Variants in RAB12 observed in about 807,000 individuals in gnomAD.
RAB12 encodes RAB12, member RAS oncogene family.
In RAB12, 11 loss-of-function variants were observed where a neutral mutation model predicts 28.4. That is an observed-to-expected ratio of 0.39 (90% CI 0.24 to 0.64). The LOEUF is 0.64. Among genes scored for constraint, RAB12 ranks in the 30% least tolerant of loss-of-function variants. RAB12 has a pLI of 0.50. For missense variants in RAB12, 276 were observed against 351.1 expected (o/e 0.79, Z 1.71); for synonymous variants, 138 against 145.3 (o/e 0.95, Z 0.36).
At chr18:8,630,179 G>A (rs1215611515) in intron 2 of RAB12, among the ~76,000 whole-genome samples, 1 of 152,234 alleles carries the variant, frequency 6.6e-6, no homozygotes, top group Admixed American at 6.5e-5. Flanking sequence ...TGTGCCCAAA[G>A]TGGTCAAGAG....
chr18:8,612,745 A>G (rs1271362930), intron 1 of RAB12, among the ~76,000 whole-genome samples: 1 of 152,198 alleles, frequency 6.6e-6, no homozygotes, highest in Non-Finnish European at 1.5e-5. Flanking sequence ...ATCATGGCTC[A>G]CTGCAGCCTC....
chr18:8,635,852 C>G, intron 4 of RAB12: 2 of 472,304 alleles, frequency 4.2e-6, no homozygotes, highest in Non-Finnish European at 3.7e-6. Context: ...TATTATCTAA[C>G]CTGACATTTT....
At chr18:8,624,589 C>T (rs2096011667) in intron 1 of RAB12, among the ~76,000 whole-genome samples, 1 of 152,132 alleles carries the variant, frequency 6.6e-6, no homozygotes, top group Non-Finnish European at 1.5e-5. Flanking sequence ...GAGAAAACAT[C>T]CTTTTAAAGC....
intron 1 of RAB12, among the ~76,000 whole-genome samples, chr18:8,612,609 G>A (rs115626884): frequency 1.6e-3 from 243 of 152,360 alleles, no homozygotes; most frequent in African/African-American, 5.6e-3. Flanking sequence ...GGTCACTAGA[G>A]TGGTAGTATT....
At chr18:8,616,969 G>C (rs1400754522) in intron 1 of RAB12, among the ~76,000 whole-genome samples, 1 of 152,090 alleles carries the variant, frequency 6.6e-6, no homozygotes, top group Non-Finnish European at 1.5e-5. Context: ...GGCCACCACT[G>C]TCTTCCCAAG....
rs534567887 is a variant in RAB12, at chr18:8,637,961, G to A, written c.910-188G>A. On this transcript the variant is annotated intron_variant, in intron 5 of 5. Transcript: ENST00000649141. Reference sequence around the variant, plus strand: ...AGGAGGAGGAGGAGGGATTGGTCTTGCTGTCTCTTCCGGGTGGCAGAGGCG... The same window carrying A: ...AGGAGGAGGAGGAGGGATTGGTCTTACTGTCTCTTCCGGGTGGCAGAGGCG... Among the ~76,000 whole-genome samples, 15 of 152,250 alleles carry A rather than the reference G, an allele frequency of 9.9e-5. No individual in the cohort carries two copies. The South Asian group carries it at 3.1e-3, about 32-fold the overall frequency.
intron 2 of RAB12, among the ~76,000 whole-genome samples, chr18:8,630,059 T>G (rs918010947): frequency 6.6e-6 from 1 of 152,236 alleles, no homozygotes; most frequent in African/African-American, 2.4e-5. Flanking sequence ...TATCATAATA[T>G]AAGATATAAA....
rs2096020783 is a variant in RAB12 at position 8,639,144 on chromosome 18, GTTCTTTTTTTT to G, written c.*885_*895del. On this transcript the variant is annotated 3_prime_UTR_variant, in exon 6 of 6. Coordinates refer to ENST00000649141, the MANE Select transcript of RAB12 (RefSeq NM_001025300.3). ...CTTATTCTGATTAAGCCTAGACTGT[GTTCTTTTTTTT>G]TTTTTTTTTTTTTTTTTTTTTTTTT... is the stretch of plus-strand genomic sequence containing the variant. 6.0e-5 allele frequency: 1 copy of G among 16,560 alleles called. No homozygotes were observed. 1.0% of individuals were successfully genotyped at this position (16,560 alleles called of 1,614,324 possible). A position where few individuals can be genotyped will look rare whatever the true frequency, so the allele number is the denominator to read the frequency against.
intron 5 of RAB12, among the ~76,000 whole-genome samples, chr18:8,636,638 T>A (rs2096019111): frequency 6.6e-6 from 1 of 152,162 alleles, no homozygotes; most frequent in East Asian, 1.9e-4. Flanking sequence ...TATGCTGTGT[T>A]TATTTGACAT....
intron 2 of RAB12, among the ~76,000 whole-genome samples, chr18:8,629,312 C>T (rs1320193576): frequency 2.0e-5 from 3 of 152,192 alleles, no homozygotes; most frequent in Non-Finnish European, 4.4e-5. Flanking sequence ...AACTCTGTTC[C>T]TTCTCAGCCA....
chr18:8,626,492 G>A (rs750224207), intron 2 of RAB12, among the ~76,000 whole-genome samples: 11 of 152,174 alleles, frequency 7.2e-5, no homozygotes, highest in Non-Finnish European at 7.3e-5. Context: ...CATCTTTGGC[G>A]GCAGTATTCT....
intron 2 of RAB12, among the ~76,000 whole-genome samples, chr18:8,632,302 A>G (rs1218591373): frequency 2.7e-5 from 4 of 150,540 alleles, no homozygotes; most frequent in Middle Eastern, 3.4e-3. Context: ...AAAAAAAAAA[A>G]GTAATTGGGA....
chr18:8,633,048 C>T, intron 2 of RAB12, 141 bp from the exon 3 acceptor site: 1 of 944,166 alleles, frequency 1.1e-6, no homozygotes, highest in South Asian at 1.5e-5. Flanking sequence ...TAAGTGTGGT[C>T]ATCAGGTCAA....
intron 3 of RAB12, among the ~76,000 whole-genome samples, chr18:8,634,426 G>C (rs1012977639): frequency 6.6e-6 from 1 of 151,774 alleles, no homozygotes; most frequent in Non-Finnish European, 1.5e-5. Context: ...TGGCACATCA[G>C]TGGATACTGA....
rs909695860 is a variant in RAB12, at chr18:8,638,213, A to G, written c.974A>G (p.Glu325Gly). 2.5e-6 allele frequency: 4 copies of G among 1,613,852 alleles called. No individual in the cohort carries two copies. Among genetic ancestry groups the G allele is most frequent in the Non-Finnish European group, 3.4e-6 (4 of 1,179,910 alleles). The stretch of plus-strand genomic sequence containing the variant: ...ATCCTGTCGTTACAACCAGAGCCTG[A>G]GATACCGCCAGAACTGCCTCCACCA... ...NSILSLQPEP[E>G]IPPELPPPRP... The change falls in exon 6 of 6, where the codon GAG becomes GGG. Residue 325 changes from glutamate (E) to glycine (G), a missense_variant. Physicochemically the swap from Glu to Gly is moderately conservative, Grantham distance 98. Around this residue, in one of 4 missense-constraint regions of RAB12, gnomAD observed 127 missense variants for 161.4 expected, o/e 0.79. Coordinates refer to ENST00000649141, the MANE Select transcript of RAB12 (RefSeq NM_001025300.3).
At position 8,633,637 on chromosome 18, in the gene RAB12, G is replaced by A. The variant is rs561685738; in HGVS notation, c.714+310G>A. 9.2e-5 allele frequency among the ~76,000 whole-genome samples: 14 copies of A among 152,202 alleles called. No homozygotes were observed. In the South Asian group the frequency reaches 2.1e-3, roughly 23 times the overall value. On this transcript the variant is annotated intron_variant, in intron 3 of 5. Transcript: ENST00000649141. ...TAGATATAAGACATTTCATTTCTGC[G>A]GAAAGGTCACCTGGACACTCATCTC... is the stretch of plus-strand genomic sequence containing the variant.
intron 1 of RAB12, among the ~76,000 whole-genome samples, chr18:8,619,276 G>T (rs2096008447): frequency 6.6e-6 from 1 of 152,266 alleles, no homozygotes; most frequent in South Asian, 2.1e-4. Context: ...CGTAGTCCTA[G>T]ATGTGGACCA....
intron 2 of RAB12, among the ~76,000 whole-genome samples, chr18:8,630,993 A>G (rs578262491): frequency 1.3e-5 from 2 of 152,336 alleles, no homozygotes; most frequent in African/African-American, 4.8e-5. Context: ...GGCTCAAGCA[A>G]TTCTCCTGCC....
chr18:8,626,646 C>T (rs1420443756), intron 2 of RAB12, among the ~76,000 whole-genome samples: 1 of 152,184 alleles, frequency 6.6e-6, no homozygotes, highest in African/African-American at 2.4e-5. Flanking sequence ...ATAAGAGGGC[C>T]CTACCTGATG....
Sources: allele counts gnomAD v4.1 joint callset (sites outside exome capture counted in the v4.1 genomes callset), GRCh38; gene constraint gnomAD v4.1.1; regional missense constraint gnomAD v4.1.1; transcripts MANE v1.5; gene names NCBI Gene and HGNC (gene_info 2026-07-23, HGNC 2026-07-21).